ZCWPW2: variants seen among roughly 807,000 people sequenced by gnomAD.
ZCWPW2 encodes the protein zinc finger CW-type PWWP domain protein 2.
Under a neutral mutation model 46.6 loss-of-function variants are expected in ZCWPW2, and 45 were observed. The observed-to-expected ratio is 0.96, with a 90% CI of 0.76 to 1.24. The LOEUF (loss-of-function observed/expected upper bound fraction) is 1.24. Ranked by LOEUF, ZCWPW2 falls within the 50% of genes most tolerant of loss-of-function variation. The pLI, the probability that ZCWPW2 is intolerant of heterozygous loss-of-function variation, is 0.00. For missense variants in ZCWPW2, 429 were observed against 403.9 expected (o/e 1.06, Z -0.53); for synonymous variants, 152 against 137.1 (o/e 1.11, Z -0.76).
At chr3:28,462,117 T>C (rs578247524) in intron 4 of ZCWPW2, among the ~76,000 whole-genome samples, 97 of 152,190 alleles carry the variant, frequency 6.4e-4, no homozygotes, top group African/African-American at 2.3e-3. Context: ...CTGAGTTCCT[T>C]GAGGGTGGGC....
At chr3:28,388,747 A>G (rs896513156) in intron 1 of ZCWPW2, among the ~76,000 whole-genome samples, 8 of 152,152 alleles carry the variant, frequency 5.3e-5, no homozygotes, top group African/African-American at 1.9e-4. Context: ...GCCCCTACCT[A>G]TTTTGTATTT....
At chr3:28,446,616 C>G (rs775138200) in intron 4 of ZCWPW2, among the ~76,000 whole-genome samples, 3 of 150,458 alleles carry the variant, frequency 2.0e-5, no homozygotes, top group Non-Finnish European at 4.4e-5. Flanking sequence ...CTTAAAGGAC[C>G]AGAAAAAGAA....
intron 4 of ZCWPW2, among the ~76,000 whole-genome samples, chr3:28,442,425 G>T (rs934893493): frequency 1.3e-5 from 2 of 151,612 alleles, no homozygotes; most frequent in African/African-American, 2.4e-5. Context: ...TTGCTCACTG[G>T]ATCCAGTCAG....
chr3:28,495,157 C>T (rs1259883584), intron 6 of ZCWPW2, among the ~76,000 whole-genome samples: 1 of 151,898 alleles, frequency 6.6e-6, no homozygotes, highest in Non-Finnish European at 1.5e-5. Flanking sequence ...CTGGAGGCAT[C>T]ACACTACCTG....
intron 4 of ZCWPW2, among the ~76,000 whole-genome samples, chr3:28,436,760 C>T (rs909713534): frequency 8.5e-5 from 13 of 152,116 alleles, no homozygotes; most frequent in Non-Finnish European, 1.5e-5. Context: ...TTATACGAGG[C>T]ATCTTCTCTG....
chr3:28,412,818 A>G (rs1575106983), intron 2 of ZCWPW2, among the ~76,000 whole-genome samples: 1 of 151,552 alleles, frequency 6.6e-6, no homozygotes, highest in African/African-American at 2.4e-5. Context: ...GCTCCATCAT[A>G]TTTTTCTTAT....
chr3:28,356,575 T>G (rs933777279), intron 1 of ZCWPW2, among the ~76,000 whole-genome samples: 1 of 152,200 alleles, frequency 6.6e-6, no homozygotes, highest in Non-Finnish European at 1.5e-5. Context: ...TGCGGCACTA[T>G]TCACGATAGC....
chr3:28,356,698 T>C (rs1019100512), intron 1 of ZCWPW2, among the ~76,000 whole-genome samples: 2 of 152,198 alleles, frequency 1.3e-5, no homozygotes, highest in Non-Finnish European at 2.9e-5. Flanking sequence ...GTTCATGTCC[T>C]TTGTAGGGAC....
At chr3:28,512,579 C>A (rs1700456437) in intron 6 of ZCWPW2, among the ~76,000 whole-genome samples, 1 of 152,038 alleles carries the variant, frequency 6.6e-6, no homozygotes, top group East Asian at 1.9e-4. Flanking sequence ...CAGAAATATT[C>A]TTGACCTTAT....
chr3:28,433,972 C>T (rs1330586651), intron 3 of ZCWPW2, among the ~76,000 whole-genome samples: 1 of 148,088 alleles, frequency 6.8e-6, no homozygotes, highest in Non-Finnish European at 1.5e-5. Context: ...CTCAGTTTCT[C>T]TTATAATACC....
intron 1 of ZCWPW2, among the ~76,000 whole-genome samples, chr3:28,373,459 TTTTG>T (rs149130529): frequency 1.6e-4 from 25 of 152,102 alleles, no homozygotes; most frequent in South Asian, 6.2e-4. Context: ...TGTTGTTTTT[TTTTG>T]TTTGTTTGTT....
intron 5 of ZCWPW2, among the ~76,000 whole-genome samples, chr3:28,481,392 C>T (rs552302431): frequency 1.3e-5 from 2 of 152,052 alleles, no homozygotes; most frequent in East Asian, 1.9e-4. Context: ...TACAGGTGCC[C>T]GCCACCACGC....
At chr3:28,392,406 C>T (rs2125719177) in intron 2 of ZCWPW2, among the ~76,000 whole-genome samples, 1 of 152,280 alleles carries the variant, frequency 6.6e-6, no homozygotes, top group African/African-American at 2.4e-5. Flanking sequence ...AGGGAGAGAT[C>T]ATTCAGACAG....
intron 1 of ZCWPW2, among the ~76,000 whole-genome samples, chr3:28,360,583 G>T (rs1267868568): frequency 6.7e-6 from 1 of 149,472 alleles, no homozygotes; most frequent in African/African-American, 2.5e-5. Context: ...AAGAAATGAA[G>T]TAAAAATTGA....
At chr3:28,466,797 CAAAATAAAAATA>C (rs552373110) in intron 4 of ZCWPW2, among the ~76,000 whole-genome samples, 3 of 151,616 alleles carry the variant, frequency 2.0e-5, no homozygotes, top group Admixed American at 2.0e-4. Context: ...GACTCTGTCT[CAAAATAAAAATA>C]AAAATAAAAA....
chr3:28,381,295 A>T, intron 1 of ZCWPW2, among the ~76,000 whole-genome samples: 1 of 151,696 alleles, frequency 6.6e-6, no homozygotes, highest in Admixed American at 6.6e-5. Flanking sequence ...ACAGTTAATT[A>T]ACACATACTT....
intron 1 of ZCWPW2, among the ~76,000 whole-genome samples, chr3:28,388,851 T>C (rs1695378834): frequency 6.6e-6 from 1 of 152,176 alleles, no homozygotes; most frequent in African/African-American, 2.4e-5. Flanking sequence ...TTTTGGGTTA[T>C]TATAATTTTC....
intron 4 of ZCWPW2, among the ~76,000 whole-genome samples, chr3:28,451,339 A>G (rs977982672): frequency 1.8e-4 from 28 of 152,222 alleles, no homozygotes; most frequent in African/African-American, 6.5e-4. Flanking sequence ...GTCTTCTCCA[A>G]TGTCTGTCAG....
chr3:28,512,598 T>G (rs564787253), intron 6 of ZCWPW2, among the ~76,000 whole-genome samples: 4 of 150,988 alleles, frequency 2.6e-5, no homozygotes, highest in Non-Finnish European at 5.9e-5. Context: ...ATCATTCTAT[T>G]CTCCATGATT....
Sources: gnomAD v4.1 joint callset for allele counts (sites outside exome capture counted in the v4.1 genomes callset) on GRCh38, gnomAD v4.1.1 for gene constraint, MANE v1.5 for transcripts, NCBI Gene and HGNC (gene_info 2026-07-23, HGNC 2026-07-21) for gene names.